SEMA6D: variants seen among roughly 807,000 people sequenced by gnomAD.
SEMA6D encodes semaphorin-6D.
Under a neutral mutation model 106.6 loss-of-function variants are expected in SEMA6D, and 35 were observed. That is an observed-to-expected ratio of 0.33 (90% CI 0.25 to 0.44). The LOEUF is 0.44. Ranked by LOEUF, SEMA6D falls within the 20% of genes least tolerant of loss-of-function variation. The probability of loss-of-function intolerance (pLI) is 1.00; values close to 1 mark genes in which losing one functional copy is unlikely to be tolerated. For missense variants in SEMA6D, 1,185 were observed against 1,345.9 expected (o/e 0.88, Z 1.87); for synonymous variants, 499 against 487.7 (o/e 1.02, Z -0.31).
intron 1 of SEMA6D, among the ~76,000 whole-genome samples, chr15:47,187,648 G>A (rs1028690045): frequency 5.3e-5 from 8 of 152,108 alleles, no homozygotes; most frequent in Admixed American, 3.9e-4. Flanking sequence ...CCCTTGCTGA[G>A]TTTATGTTGA....
intron 4 of SEMA6D, among the ~76,000 whole-genome samples, chr15:47,708,545 C>T (rs1567004711): frequency 6.6e-6 from 1 of 152,186 alleles, no homozygotes; most frequent in Non-Finnish European, 1.5e-5. Context: ...TATTCTGCTA[C>T]ATGTGATGTT....
chr15:47,620,782 A>G (rs2077084746), intron 4 of SEMA6D, among the ~76,000 whole-genome samples: 1 of 151,608 alleles, frequency 6.6e-6, no homozygotes, highest in Admixed American at 6.6e-5. Flanking sequence ...CCTTTGGATT[A>G]GTGGGGTTCA....
intron 1 of SEMA6D, among the ~76,000 whole-genome samples, chr15:47,407,799 A>G (rs1403897355): frequency 6.6e-6 from 1 of 152,184 alleles, no homozygotes; most frequent in African/African-American, 2.4e-5. Flanking sequence ...CATGATTGTC[A>G]AGGCACATTG....
At chr15:47,193,184 T>TG (rs1488022929) in intron 1 of SEMA6D, among the ~76,000 whole-genome samples, 3 of 152,168 alleles carry the variant, frequency 2.0e-5, no homozygotes, top group Non-Finnish European at 4.4e-5. Flanking sequence ...CTGTGAGACT[T>TG]GGGGCAGGTT....
chr15:47,437,785 A>AACTT (rs1379808551), intron 2 of SEMA6D, among the ~76,000 whole-genome samples: 1 of 152,132 alleles, frequency 6.6e-6, no homozygotes, highest in African/African-American at 2.4e-5. Flanking sequence ...TCCTAGAGGT[A>AACTT]ACACTCAATA....
chr15:47,712,147 T>C (rs1444637524), intron 4 of SEMA6D, among the ~76,000 whole-genome samples: 1 of 152,236 alleles, frequency 6.6e-6, no homozygotes, highest in Non-Finnish European at 1.5e-5. Context: ...ATGAATCCTA[T>C]TGCAGATGTC....
chr15:47,504,697 T>C (rs1238128550), intron 3 of SEMA6D, among the ~76,000 whole-genome samples: 1 of 152,110 alleles, frequency 6.6e-6, no homozygotes, highest in Non-Finnish European at 1.5e-5. Flanking sequence ...TCATCCCTTC[T>C]AACTGCACCC....
At chr15:47,261,412 A>G (rs141196350) in intron 1 of SEMA6D, among the ~76,000 whole-genome samples, 1 of 152,076 alleles carries the variant, frequency 6.6e-6, no homozygotes, top group Non-Finnish European at 1.5e-5. Flanking sequence ...AAAGTGCATT[A>G]TTTTCCTTTT....
intron 1 of SEMA6D, among the ~76,000 whole-genome samples, chr15:47,379,038 T>C (rs952331040): frequency 6.6e-6 from 1 of 152,238 alleles, no homozygotes; most frequent in East Asian, 1.9e-4. Context: ...TGGAAGATTT[T>C]TTCTGCCTCT....
At chr15:47,681,853 G>A (rs1302414759) in intron 4 of SEMA6D, among the ~76,000 whole-genome samples, 2 of 152,160 alleles carry the variant, frequency 1.3e-5, no homozygotes, top group Admixed American at 1.3e-4. Context: ...TCCATCTGAA[G>A]AAGAGATCAT....
intron 1 of SEMA6D, among the ~76,000 whole-genome samples, chr15:47,391,077 A>G (rs2040013753): frequency 1.3e-5 from 2 of 152,126 alleles, no homozygotes; most frequent in Non-Finnish European, 2.9e-5. Flanking sequence ...TAATAAGTTA[A>G]CCCCTTTGCC....
intron 2 of SEMA6D, among the ~76,000 whole-genome samples, chr15:47,438,413 C>T (rs2041787185): frequency 6.6e-6 from 1 of 152,076 alleles, no homozygotes; most frequent in African/African-American, 2.4e-5. Context: ...ACTGAAAATC[C>T]CCATGATAGA....
At chr15:47,572,815 A>C (rs574691343) in intron 3 of SEMA6D, among the ~76,000 whole-genome samples, 2 of 152,320 alleles carry the variant, frequency 1.3e-5, no homozygotes, top group East Asian at 3.9e-4. Flanking sequence ...ATAAATCATT[A>C]ATCTGTTCAA....
chr15:47,271,856 G>A (rs2034576031), intron 1 of SEMA6D, among the ~76,000 whole-genome samples: 1 of 152,190 alleles, frequency 6.6e-6, no homozygotes, highest in Non-Finnish European at 1.5e-5. Flanking sequence ...CACTGCTCTT[G>A]CTTTCAAGCT....
intron 1 of SEMA6D, among the ~76,000 whole-genome samples, chr15:47,756,337 T>A (rs2081735791): frequency 6.7e-6 from 1 of 150,370 alleles, no homozygotes; most frequent in Non-Finnish European, 1.5e-5. Context: ...GAACATTGCT[T>A]TTTTTTTTTC....
At position 47,221,753 on chromosome 15, in the gene SEMA6D, T is replaced by A. The variant is rs943882553; in HGVS notation, c.-239+37335T>A. On this transcript the variant is annotated intron_variant, in intron 1 of 19. Transcript: ENST00000558014. ...ACATCTTGAAATACTGTTTAATCGT[T>A]ATCACTATTTTGAAACTGTGTTAGT... Among the ~76,000 whole-genome samples, 4 of 152,190 alleles carry A rather than the reference T, an allele frequency of 2.6e-5. No homozygotes were observed. The South Asian group carries it at 8.3e-4, about 32-fold the overall frequency.
At chr15:47,761,799 G>C (rs1216238010) in intron 7 of SEMA6D, 48 bp downstream of exon 7, 1 of 1,455,398 alleles carries the variant, frequency 6.9e-7, no homozygotes, top group Non-Finnish European at 9.5e-7. Context: ...GACATTGAAG[G>C]TGAAAAAGGA....
At chr15:47,188,331 G>T (rs282506) in intron 1 of SEMA6D, among the ~76,000 whole-genome samples, 49,458 of 151,964 alleles carry the variant, frequency 0.33, 9,760 homozygotes, top group South Asian at 0.44. Flanking sequence ...AAAATGCTTT[G>T]AATTAGATTT....
chr15:47,426,264 T>C lies in SEMA6D; in HGVS notation c.-159+13792T>C, dbSNP rs575368638. On this transcript the variant is annotated intron_variant, in intron 2 of 19. Coordinates refer to the SEMA6D transcript ENST00000558014. ...AAGCGATACTCTTGCCTTAGCTTCA[T>C]GTGGCTGGTACTACAGGCATGTACC... is the stretch of plus-strand genomic sequence containing the variant. 2.6e-5 allele frequency among the ~76,000 whole-genome samples: 4 copies of C among 152,238 alleles called. No homozygotes were observed. In the East Asian group the frequency reaches 5.8e-4, roughly 22 times the overall value.
Sources: allele counts gnomAD v4.1 joint callset (sites outside exome capture counted in the v4.1 genomes callset), GRCh38; gene constraint gnomAD v4.1.1; transcripts MANE v1.5; gene names NCBI Gene and HGNC (gene_info 2026-07-23, HGNC 2026-07-21).